The following CLIC5 variants were observed in gnomAD, a reference collection of about 807,000 sequenced individuals.
CLIC5 encodes the protein chloride intracellular channel protein 5.
CLIC5 carries 20 observed loss-of-function variants against 24.7 expected under a neutral mutation model. The ratio of observed to expected loss-of-function variants is 0.81; its 90% CI spans 0.57 to 1.18. The LOEUF is 1.18. CLIC5 is among the 50% of genes most tolerant of loss of function. The pLI is 0.00. For missense variants in CLIC5, 341 were observed against 326.1 expected (o/e 1.05, Z -0.35); for synonymous variants, 159 against 135.6 (o/e 1.17, Z -1.20).
intron 1 of CLIC5, among the ~76,000 whole-genome samples, chr6:46,039,833 C>T (rs983693279): frequency 6.6e-6 from 1 of 152,124 alleles, no homozygotes; most frequent in African/African-American, 2.4e-5. Flanking sequence ...GACAATAAAT[C>T]AGCACATGGA....
At chr6:46,001,805 C>T (rs577126417) in intron 1 of CLIC5, among the ~76,000 whole-genome samples, 4 of 152,174 alleles carry the variant, frequency 2.6e-5, no homozygotes, top group Admixed American at 1.3e-4. Context: ...AGCCAGATTT[C>T]GCATGTAAAA....
chr6:45,996,355 A>T (rs1206564953), intron 1 of CLIC5, among the ~76,000 whole-genome samples: 2 of 151,906 alleles, frequency 1.3e-5, no homozygotes, highest in Non-Finnish European at 2.9e-5. Context: ...GTTTAATTAG[A>T]TCCCATTTGT....
chr6:45,922,823 A>G (rs867834959), intron 4 of CLIC5, among the ~76,000 whole-genome samples: 35 of 140,694 alleles, frequency 2.5e-4, no homozygotes, highest in African/African-American at 6.0e-4. Context: ...GAGAGAGAGA[A>G]AGAGAGAGAG....
intron 1 of CLIC5, among the ~76,000 whole-genome samples, chr6:46,058,484 G>A (rs977666714): frequency 1.3e-5 from 2 of 152,244 alleles, no homozygotes; most frequent in Non-Finnish European, 2.9e-5. Flanking sequence ...TCCAAAGCTT[G>A]TGCCTTTCCT....
rs537707632 is a variant in CLIC5, at chr6:45,960,041, A to T, written c.64-4797T>A. ...CCAATCCCAGAGAGAGAAGCATACC[A>T]TATTGATATAACTCTAAAAATAGTT... On this transcript the variant is annotated intron_variant, in intron 1 of 5. Transcript: ENST00000339561. Among the ~76,000 whole-genome samples, 11 of 152,286 alleles carry T rather than the reference A, an allele frequency of 7.2e-5. No individual in the cohort carries two copies. In the South Asian group the frequency reaches 2.1e-3, roughly 29 times the overall value.
intron 1 of CLIC5, among the ~76,000 whole-genome samples, chr6:46,049,442 A>G (rs1456649942): frequency 6.6e-6 from 1 of 151,970 alleles, no homozygotes; most frequent in Non-Finnish European, 1.5e-5. Flanking sequence ...TTCTTTTTTC[A>G]TTTCTAGCAG....
chr6:45,934,049 A>G (rs1264242952), intron 4 of CLIC5, among the ~76,000 whole-genome samples: 3 of 152,156 alleles, frequency 2.0e-5, no homozygotes, highest in Non-Finnish European at 2.9e-5. Flanking sequence ...CACAGCAGGA[A>G]TATTTGTTAT....
At chr6:45,976,524 G>A (rs1765389506) in intron 1 of CLIC5, among the ~76,000 whole-genome samples, 1 of 152,164 alleles carries the variant, frequency 6.6e-6, no homozygotes, top group Non-Finnish European at 1.5e-5. Flanking sequence ...GTTAGACATA[G>A]AAGCTTACAT....
At chr6:45,918,897 G>C (rs750849657) in intron 4 of CLIC5, 1 of 924,924 alleles carries the variant, frequency 1.1e-6, no homozygotes, top group South Asian at 5.0e-5. Flanking sequence ...ATTATTCATC[G>C]TCATTCAACA....
intron 1 of CLIC5, among the ~76,000 whole-genome samples, chr6:46,039,407 C>T (rs1370734021): frequency 6.6e-6 from 1 of 151,492 alleles, no homozygotes; most frequent in East Asian, 1.9e-4. Context: ...ACCAGATATA[C>T]ATAGGCAAGA....
chr6:45,957,854 T>C (rs1382900040), intron 1 of CLIC5, among the ~76,000 whole-genome samples: 1 of 152,162 alleles, frequency 6.6e-6, no homozygotes, highest in East Asian at 1.9e-4. Flanking sequence ...GTGACGACCA[T>C]CTGAAACATC....
At chr6:46,071,404 AC>A (rs777833592) in intron 1 of CLIC5, among the ~76,000 whole-genome samples, 1 of 152,136 alleles carries the variant, frequency 6.6e-6, no homozygotes, top group Non-Finnish European at 1.5e-5. Context: ...CAAGAAAAAA[AC>A]AATCCCATTA....
chr6:45,955,883 C>A (rs1429598825), intron 1 of CLIC5, among the ~76,000 whole-genome samples: 3 of 152,110 alleles, frequency 2.0e-5, no homozygotes, highest in Admixed American at 6.6e-5. Context: ...TGTCAATAAT[C>A]CATTCATTTG....
chr6:46,083,374 C>T (rs1762963998), upstream of CLIC5, among the ~76,000 whole-genome samples: 1 of 152,112 alleles, frequency 6.6e-6, no homozygotes, highest in South Asian at 2.1e-4. Context: ...GTTAGGGTGC[C>T]AATTTTGGAT....
chr6:45,925,987 G>A (rs1169863002), intron 4 of CLIC5, among the ~76,000 whole-genome samples: 10 of 152,024 alleles, frequency 6.6e-5, no homozygotes, highest in African/African-American at 2.2e-4. Flanking sequence ...AAAATGTTGA[G>A]TAAAACTCAT....
intron 1 of CLIC5, among the ~76,000 whole-genome samples, chr6:46,039,356 A>C (rs1315470496): frequency 6.6e-6 from 1 of 150,644 alleles, no homozygotes; most frequent in Non-Finnish European, 1.5e-5. Flanking sequence ...ATATTTCCAA[A>C]GTAAATTTAG....
chr6:46,128,968 G>A, the CLIC5 span, among the ~76,000 whole-genome samples: 2 of 152,172 alleles, frequency 1.3e-5, no homozygotes, highest in African/African-American at 4.8e-5. Context: ...AGACCAAGGG[G>A]ACCAACGTCA....
chr6:46,007,624 A>G (rs763581628), intron 1 of CLIC5, among the ~76,000 whole-genome samples: 3 of 152,166 alleles, frequency 2.0e-5, no homozygotes, highest in Admixed American at 6.5e-5. Flanking sequence ...CGTAATAGCA[A>G]TGGCAAAAAC....
the CLIC5 span, among the ~76,000 whole-genome samples, chr6:46,127,775 T>C: frequency 6.6e-6 from 1 of 152,156 alleles, no homozygotes; most frequent in East Asian, 1.9e-4. Flanking sequence ...TGGCTTAGAT[T>C]TGGATATGTG....
Sources: allele counts gnomAD v4.1 joint callset (sites outside exome capture counted in the v4.1 genomes callset), GRCh38; gene constraint gnomAD v4.1.1; transcripts MANE v1.5; gene names NCBI Gene and HGNC (gene_info 2026-07-23, HGNC 2026-07-21).